CCSER1: variants seen among roughly 807,000 people sequenced by gnomAD.
The protein encoded by CCSER1 is coiled-coil serine rich protein 1.
Under a neutral mutation model 82.0 loss-of-function variants are expected in CCSER1, and 41 were observed. That is an observed-to-expected ratio of 0.50 (90% CI 0.39 to 0.65). The LOEUF (loss-of-function observed/expected upper bound fraction) is 0.65, where lower values mean the gene tolerates loss of function less well. Among genes scored for constraint, CCSER1 ranks in the 30% least tolerant of loss-of-function variants. The pLI is 0.00. For synonymous variants in CCSER1, 414 were observed against 383.9 expected, an observed-to-expected ratio of 1.08 and a Z score of -0.92; for missense variants, 1,119 against 1,064.2, an observed-to-expected ratio of 1.05 and a Z score of -0.72.
chr4:91,164,801 C>T (rs1378242567), intron 10 of CCSER1, among the ~76,000 whole-genome samples: 2 of 152,152 alleles, frequency 1.3e-5, no homozygotes, highest in African/African-American at 4.8e-5. Context: ...AAGGTCTTCT[C>T]CACACTGTTC....
At chr4:91,312,116 A>G (rs1370432818) in intron 10 of CCSER1, among the ~76,000 whole-genome samples, 2 of 151,900 alleles carry the variant, frequency 1.3e-5, no homozygotes, top group Admixed American at 1.3e-4. Context: ...TAACAAGTAT[A>G]CAAATTTATA....
chr4:91,565,227 T>G lies in CCSER1; in HGVS notation c.2218-33345T>G, dbSNP rs543866900. 2.6e-5 allele frequency among the ~76,000 whole-genome samples: 4 copies of G among 152,136 alleles called. 1 individual carries two copies. Among genetic ancestry groups the G allele is most frequent in the Admixed American group, 2.6e-4 (4 of 15,250 alleles). Reference sequence around the variant, plus strand: ...ATGGTTGCCAATGTGCAGCCTTATTTCTGGGTTCTCTGTTCTGCTCCACTG... The same window carrying G: ...ATGGTTGCCAATGTGCAGCCTTATTGCTGGGTTCTCTGTTCTGCTCCACTG... On this transcript the variant is annotated intron_variant, in intron 10 of 10. Coordinates refer to ENST00000509176, the MANE Select transcript of CCSER1 (RefSeq NM_001145065.2).
At chr4:90,323,506 G>A (rs1192486508) in intron 3 of CCSER1, among the ~76,000 whole-genome samples, 1 of 152,160 alleles carries the variant, frequency 6.6e-6, no homozygotes, top group African/African-American at 2.4e-5. Context: ...TTGGTTCTGT[G>A]TTGTGTTCTC....
chr4:90,514,948 C>T (rs1772058700), intron 5 of CCSER1, among the ~76,000 whole-genome samples: 1 of 151,238 alleles, frequency 6.6e-6, no homozygotes, highest in South Asian at 2.1e-4. Flanking sequence ...ACCTCTGCCT[C>T]TCAGGTTCAA....
intron 1 of CCSER1, among the ~76,000 whole-genome samples, chr4:90,203,011 G>T (rs548740040): frequency 1.7e-4 from 26 of 152,234 alleles, no homozygotes; most frequent in African/African-American, 5.5e-4. Context: ...ATAGTAAACT[G>T]TAAAATTTTC....
rs1248142273 is a variant in CCSER1 at position 90,879,627 on chromosome 4, GGAAAGAA to G, written c.2095-43729_2095-43723del. Among the ~76,000 whole-genome samples, 10 of 123,136 alleles carry G rather than the reference GGAAAGAA, an allele frequency of 8.1e-5. No individual in the cohort carries two copies. The East Asian group carries it at 1.4e-3, about 18-fold the overall frequency. 80.8% of individuals were successfully genotyped at this position (123,136 alleles called of 152,430 possible). A position where few individuals can be genotyped will look rare whatever the true frequency, so the allele number is the denominator to read the frequency against. ...AAGAAGAGGAGGAGGAGGAGGAGGA[GGAAAGAA>G]GAAAGAAGAAAGAGGAAGAAGAAGA... On this transcript the variant is annotated intron_variant, in intron 8 of 10. Transcript: ENST00000509176.
intron 3 of CCSER1, among the ~76,000 whole-genome samples, chr4:90,339,238 A>G (rs1359805401): frequency 2.6e-5 from 4 of 152,066 alleles, no homozygotes; most frequent in Admixed American, 2.0e-4. Flanking sequence ...TTCTTTTGTC[A>G]TAAGACACCC....
intron 5 of CCSER1, among the ~76,000 whole-genome samples, chr4:90,560,621 C>A (rs964107850): frequency 6.6e-6 from 1 of 152,084 alleles, no homozygotes; most frequent in Non-Finnish European, 1.5e-5. Flanking sequence ...GGATTTTAAT[C>A]TGTTAATTAA....
At chr4:91,480,416 C>A (rs529589185) in intron 10 of CCSER1, among the ~76,000 whole-genome samples, 5 of 152,200 alleles carry the variant, frequency 3.3e-5, no homozygotes, top group Admixed American at 3.3e-4. Flanking sequence ...TGTTTCCTGA[C>A]ATTTTAATGA....
chr4:90,768,885 G>A (rs1050042801), intron 7 of CCSER1, among the ~76,000 whole-genome samples: 2 of 152,300 alleles, frequency 1.3e-5, no homozygotes, highest in African/African-American at 4.8e-5. Context: ...GTTAACCAAA[G>A]AGGAGCCAGT....
intron 1 of CCSER1, among the ~76,000 whole-genome samples, chr4:90,150,333 C>T (rs888367439): frequency 3.3e-5 from 5 of 151,842 alleles, no homozygotes; most frequent in Admixed American, 1.3e-4. Context: ...TTTTTAATAG[C>T]GACTCCCATA....
chr4:91,237,251 A>G (rs1201240673), intron 10 of CCSER1, among the ~76,000 whole-genome samples: 2 of 151,962 alleles, frequency 1.3e-5, no homozygotes, highest in East Asian at 3.8e-4. Flanking sequence ...CATAAATTAG[A>G]TGTTTTTTAG....
chr4:90,402,296 T>C (rs1273151964), intron 4 of CCSER1, among the ~76,000 whole-genome samples: 1 of 152,224 alleles, frequency 6.6e-6, no homozygotes, highest in Non-Finnish European at 1.5e-5. Flanking sequence ...ATATAAACTT[T>C]TTCTATAAAG....
chr4:90,894,905 A>G (rs1025775013), intron 8 of CCSER1, among the ~76,000 whole-genome samples: 3 of 152,010 alleles, frequency 2.0e-5, no homozygotes, highest in African/African-American at 7.2e-5. Flanking sequence ...TTATGCTCTG[A>G]CAGTTTTAAA....
chr4:90,771,797 CT>C (rs966503605), intron 7 of CCSER1, among the ~76,000 whole-genome samples: 6 of 152,102 alleles, frequency 3.9e-5, no homozygotes, highest in Non-Finnish European at 8.8e-5. Flanking sequence ...TTAAACACAG[CT>C]TTGTGTGGTG....
chr4:90,160,619 A>G (rs546148870), intron 1 of CCSER1, among the ~76,000 whole-genome samples: 1 of 152,342 alleles, frequency 6.6e-6, no homozygotes, highest in South Asian at 2.1e-4. Flanking sequence ...TAGAAGGCAC[A>G]GGAAATAGGG....
intron 9 of CCSER1, among the ~76,000 whole-genome samples, chr4:90,953,417 G>A (rs1364075040): frequency 2.0e-5 from 3 of 151,082 alleles, no homozygotes; most frequent in Admixed American, 1.3e-4. Context: ...TTTCTTACTA[G>A]CAATGTTAAT....
chr4:90,324,709 C>T (rs1415537141), intron 3 of CCSER1, among the ~76,000 whole-genome samples: 3 of 151,950 alleles, frequency 2.0e-5, no homozygotes, highest in Admixed American at 6.6e-5. Flanking sequence ...CTTTTGTTGC[C>T]GTTGCTTTTG....
At chr4:90,977,035 C>T (rs1342535641) in intron 9 of CCSER1, among the ~76,000 whole-genome samples, 1 of 151,494 alleles carries the variant, frequency 6.6e-6, no homozygotes, top group African/African-American at 2.4e-5. Flanking sequence ...AGTGAAGCTT[C>T]CAAAAAATTT....
Sources: allele counts gnomAD v4.1 joint callset (sites outside exome capture counted in the v4.1 genomes callset), GRCh38; gene constraint gnomAD v4.1.1; transcripts MANE v1.5; gene names NCBI Gene and HGNC (gene_info 2026-07-23, HGNC 2026-07-21).